The following SLC25A16 variants were observed in gnomAD, a reference collection of about 807,000 sequenced individuals.
The protein encoded by SLC25A16 is mitochondrial coenzyme A transporter SLC25A16.
In SLC25A16, 39 loss-of-function variants were observed where a neutral mutation model predicts 41.5. That is an observed-to-expected ratio of 0.94 (90% confidence interval 0.73 to 1.23). SLC25A16 has a LOEUF of 1.23. Among genes scored for constraint, SLC25A16 ranks in the 50% most tolerant of loss-of-function variants. The pLI is 0.00. For synonymous variants in SLC25A16, 146 were observed against 147.8 expected (o/e 0.99, Z 0.09); for missense variants, 421 against 426.9 (o/e 0.99, Z 0.12).
rs1019571376 is a variant in SLC25A16 at position 68,512,444 on chromosome 10, C to T, written c.223+4307G>A. ...CGAGGTCAGGAGATCGAGACCATCC[C>T]GGCTAAAACGGTGAAACCCCGTCTC... On this transcript the variant is annotated intron_variant, in intron 2 of 8. Transcript: ENST00000609923. Among the ~76,000 whole-genome samples, 12 of 92,458 alleles carry T rather than the reference C, an allele frequency of 1.3e-4. 2 individuals carry two copies. The highest frequency in any genetic ancestry group is 8.3e-4 in the Admixed American group (7 of 8,422). The allele number at this position is 92,458 out of a possible 152,430, so 60.7% of individuals were successfully genotyped here.
At chr10:68,507,070 C>CTTT (rs71019019) in intron 2 of SLC25A16, among the ~76,000 whole-genome samples, 7,891 of 115,336 alleles carry the variant, frequency 0.068, 379 homozygotes, top group Middle Eastern at 0.085. Context: ...ATGACCTACT[C>CTTT]TTTTTTTTTT....
At chr10:68,495,427 T>A (rs920362753) in intron 4 of SLC25A16, among the ~76,000 whole-genome samples, 1 of 150,374 alleles carries the variant, frequency 6.7e-6, no homozygotes, top group Non-Finnish European at 1.5e-5. Context: ...AAAATAATAA[T>A]AATAAACTAT....
At chr10:68,505,566 A>T (rs1016604668) in intron 3 of SLC25A16, among the ~76,000 whole-genome samples, 3 of 151,952 alleles carry the variant, frequency 2.0e-5, no homozygotes, top group Non-Finnish European at 2.9e-5. Flanking sequence ...CTGAATCAGG[A>T]GTTCCAGACC....
In SLC25A16 at chr10:68,482,464, C is replaced by A. The variant is rs2052495026; in HGVS notation, c.*968G>T. 1 of 152,482 alleles carries A rather than the reference C, an allele frequency of 6.6e-6. No homozygotes were observed. The highest frequency in any genetic ancestry group is 6.6e-5 in the Admixed American group (1 of 15,228). The allele number at this position is 152,482 out of a possible 1,614,324, so 9.4% of individuals were successfully genotyped here. On this transcript the variant is annotated 3_prime_UTR_variant, in exon 9 of 9. Transcript: ENST00000609923. ...TTTTACATGGAAGAACTAGTTGATGCATCATAATACCTTAGAAACATTTTT... is the reference window on the plus strand; with the variant it reads ...TTTTACATGGAAGAACTAGTTGATGAATCATAATACCTTAGAAACATTTTT...
At chr10:68,520,695 C>T (rs1156354594) in intron 1 of SLC25A16, among the ~76,000 whole-genome samples, 5 of 151,834 alleles carry the variant, frequency 3.3e-5, no homozygotes, top group Admixed American at 3.3e-4. Context: ...GCCTGTAATC[C>T]CAGCTACACG....
rs2053355375 is a variant in SLC25A16, at chr10:68,527,360, C to T, written c.16G>A (p.Ala6Thr). The change falls in exon 1 of 9, where the codon GCC (alanine) becomes ACC (threonine). Residue 6 changes from alanine to threonine, a missense_variant. Coordinates refer to ENST00000609923, the MANE Select transcript of SLC25A16 (RefSeq NM_152707.4). MAAAT[A>T]AAALAAADPP... ...TCGGCCGCCGCCAGGGCTGCCGCGG[C>T]CGTCGCCGCCGCCATCAGGACCAGG... The T allele has an allele frequency of 6.7e-7, 1 of 1,502,326 alleles. No individual in the cohort carries two copies. The highest frequency in any genetic ancestry group is 8.8e-7 in the Non-Finnish European group (1 of 1,130,884). 93.1% of individuals were successfully genotyped at this position (1,502,326 alleles called of 1,614,324 possible). A position where few individuals can be genotyped will look rare whatever the true frequency, so the allele number is the denominator to read the frequency against.
intron 8 of SLC25A16, among the ~76,000 whole-genome samples, chr10:68,484,839 T>G (rs565860742): frequency 6.6e-6 from 1 of 152,150 alleles, no homozygotes; most frequent in East Asian, 1.9e-4. Flanking sequence ...ACCAATCAAA[T>G]GGAATGGTTC....
chr10:68,500,673 G>A (rs866011057), intron 4 of SLC25A16, among the ~76,000 whole-genome samples: 4 of 149,642 alleles, frequency 2.7e-5, no homozygotes, highest in African/African-American at 9.8e-5. Flanking sequence ...GCTCACACCT[G>A]TAATCCTAGC....
In SLC25A16 at chr10:68,493,448, C is replaced by A. The variant is rs1318405856; in HGVS notation, c.543+1G>T. On this transcript the variant is annotated splice_donor_variant, in intron 5 of 8. Transcript: ENST00000609923. LOFTEE classifies it high-confidence loss of function. ...AGATGAGGAAGGTAAATATGAAATACCTTTGCATAAATTGTTTTGAAAGCA... is the reference window on the plus strand; with the variant it reads ...AGATGAGGAAGGTAAATATGAAATAACTTTGCATAAATTGTTTTGAAAGCA... The A allele has an allele frequency of 3.7e-6, 6 of 1,612,312 alleles. No individual in the cohort carries two copies. The highest frequency in any genetic ancestry group is 5.1e-6 in the Non-Finnish European group (6 of 1,178,642).
Position 68,527,262 on chromosome 10 carries a change from G to A in SLC25A16, c.114C>T (p.Arg38=). The A allele has an allele frequency of 6.5e-7, 1 of 1,548,392 alleles. No individual in the cohort carries two copies. Among genetic ancestry groups the A allele is most frequent in the Non-Finnish European group, 8.7e-7 (1 of 1,145,850 alleles). Residue 38 remains arginine, a synonymous_variant, in exon 1 of 9, where the codon CGC becomes CGT. Coordinates refer to ENST00000609923, the MANE Select transcript of SLC25A16 (RefSeq NM_152707.4). ...TGGACCCACCTCCGGCCAGAAAGGA[G>A]CGCAGCCAGTAGAAGTCTCTGCGGG... The part of the protein sequence containing the change: ...PTTRRDFYWL[R]SFLAGGIAGC...
chr10:68,487,861 C>CT (rs34777333), intron 7 of SLC25A16, among the ~76,000 whole-genome samples: 16,036 of 149,942 alleles, frequency 0.11, 1,642 homozygotes, highest in African/African-American at 0.27. Context: ...TGCAATCTCT[C>CT]TTTTTTTTTT....
At chr10:68,492,825 C>A (rs951421762) in intron 6 of SLC25A16, among the ~76,000 whole-genome samples, 1 of 152,102 alleles carries the variant, frequency 6.6e-6, no homozygotes, top group African/African-American at 2.4e-5. Flanking sequence ...ACAAAAACCA[C>A]TTTTCAACTC....
chr10:68,523,561 C>G (rs1330265961), intron 1 of SLC25A16, among the ~76,000 whole-genome samples: 1 of 152,118 alleles, frequency 6.6e-6, no homozygotes, highest in Admixed American at 6.6e-5. Flanking sequence ...CAACCTCCAC[C>G]ACCCAGGTTG....
intron 6 of SLC25A16, among the ~76,000 whole-genome samples, chr10:68,490,385 C>G (rs1050633065): frequency 2.0e-5 from 3 of 151,810 alleles, no homozygotes; most frequent in African/African-American, 7.3e-5. Context: ...TCTTGTCACC[C>G]AGGCTGGAGT....
chr10:68,525,826 C>A (rs1170831905), intron 1 of SLC25A16, among the ~76,000 whole-genome samples: 1 of 152,168 alleles, frequency 6.6e-6, no homozygotes, highest in Non-Finnish European at 1.5e-5. Flanking sequence ...CTCTCTGAAA[C>A]ATGTGCTGTG....
intron 8 of SLC25A16, among the ~76,000 whole-genome samples, chr10:68,485,947 G>C (rs1215839999): frequency 3.3e-5 from 5 of 151,174 alleles, no homozygotes; most frequent in Non-Finnish European, 7.4e-5. Flanking sequence ...ACAGGTGCCT[G>C]CCACCACACC....
intron 8 of SLC25A16, among the ~76,000 whole-genome samples, chr10:68,486,021 C>A (rs1216487632): frequency 1.3e-5 from 2 of 150,966 alleles, no homozygotes; most frequent in African/African-American, 4.9e-5. Context: ...AGTACCAGAC[C>A]AGCCTTGCCA....
intron 3 of SLC25A16, 61 bp downstream of exon 3, chr10:68,506,524 G>A: frequency 8.7e-7 from 1 of 1,146,506 alleles, no homozygotes; most frequent in Non-Finnish European, 1.2e-6. Flanking sequence ...CAAAGCAAAT[G>A]CCTGGTCAAG....
At chr10:68,490,117 G>GTTT in intron 6 of SLC25A16, among the ~76,000 whole-genome samples, 1 of 151,966 alleles carries the variant, frequency 6.6e-6, no homozygotes, top group Non-Finnish European at 1.5e-5. Flanking sequence ...TTTAAAGGAG[G>GTTT]TAGATGCAGT....
Sources: gnomAD v4.1 joint callset for allele counts (sites outside exome capture counted in the v4.1 genomes callset) on GRCh38, gnomAD v4.1.1 for gene constraint, MANE v1.5 for transcripts, NCBI Gene and HGNC (gene_info 2026-07-23, HGNC 2026-07-21) for gene names.